The following SETD1B variants were observed in gnomAD, a reference collection of about 807,000 sequenced individuals.
SETD1B encodes the protein histone-lysine N-methyltransferase SETD1B.
Under a neutral mutation model 148.0 loss-of-function variants are expected in SETD1B, and 7 were observed. The observed-to-expected ratio is 0.05, with a 90% CI of 0.03 to 0.09. The LOEUF (loss-of-function observed/expected upper bound fraction) is 0.09, where lower values mean the gene tolerates loss of function less well. Among genes scored for constraint, SETD1B ranks in the 10% least tolerant of loss-of-function variants. The probability of loss-of-function intolerance (pLI) is 1.00; values close to 1 mark genes in which losing one functional copy is unlikely to be tolerated. For missense variants in SETD1B, 2,155 were observed against 2,729.9 expected, an observed-to-expected ratio of 0.79 and a Z score of 4.69; for synonymous variants, 1,361 against 1,186.5, an observed-to-expected ratio of 1.15 and a Z score of -3.02.
chr12:121,809,497 G>A (rs1455531145), intron 5 of SETD1B, 106 bp from the exon 6 acceptor site: 1 of 1,217,452 alleles, frequency 8.2e-7, no homozygotes, highest in Non-Finnish European at 1.1e-6. Flanking sequence ...TGCAGTTCTA[G>A]AGCAGTTTGG....
chr12:121,804,101 A>C lies in SETD1B; in HGVS notation c.-147A>C, dbSNP rs1248312243. The C allele has an allele frequency of 6.5e-6, 1 of 152,992 alleles. No individual in the cohort carries two copies. Among genetic ancestry groups the C allele is most frequent in the Non-Finnish European group, 1.4e-5 (1 of 69,420 alleles). The allele number at this position is 152,992 out of a possible 1,614,324, so 9.5% of individuals were successfully genotyped here. A position where few individuals can be genotyped will look rare whatever the true frequency, so the allele number is the denominator to read the frequency against. On this transcript the variant is annotated 5_prime_UTR_variant, in exon 1 of 17. Transcript: ENST00000604567. The surrounding 1 kb of genome is among the most constrained non-coding windows in gnomAD (Gnocchi z 4.6). Reference sequence around the variant, plus strand: ...CAGCAGCGGCGGCGGCAGCGGCAGCAGCTCCGGGCCCGGCAGCCGCGGCGG... The same window carrying C: ...CAGCAGCGGCGGCGGCAGCGGCAGCCGCTCCGGGCCCGGCAGCCGCGGCGG...
In SETD1B at chr12:121,817,864, G is replaced by A. The variant is rs1309045962; in HGVS notation, c.3378G>A (p.Leu1126=). The A allele has an allele frequency of 6.4e-7, 1 of 1,551,042 alleles. No homozygotes were observed. Among genetic ancestry groups the A allele is most frequent in the Admixed American group, 2.0e-5 (1 of 50,908 alleles). The change falls in exon 10 of 17, where the codon CTG becomes CTA. Residue 1126 remains leucine, a synonymous_variant. Transcript: ENST00000604567. The surrounding 1 kb of genome is among the most constrained non-coding windows in gnomAD (Gnocchi z 8.1). ...AGAACGATGACGAGGACACAGCCCT[G>A]TCAGAGGCGAGTGAGAAGGACGAAG... ...ESENDDEDTA[L]SEASEKDEGD...
chr12:121,827,273 A>G (rs146043602), intron 13 of SETD1B, among the ~76,000 whole-genome samples: 72 of 152,248 alleles, frequency 4.7e-4, no homozygotes, highest in Non-Finnish European at 8.7e-4. Flanking sequence ...CTTTCGGCTG[A>G]AATGGGGAAA....
At chr12:121,820,726 G>A (rs1464310958) in intron 11 of SETD1B, among the ~76,000 whole-genome samples, 2 of 152,082 alleles carry the variant, frequency 1.3e-5, no homozygotes, top group African/African-American at 4.8e-5. Context: ...GTAGAGATGG[G>A]GTTTCTCCGC....
the SETD1B span, chr12:121,793,039 G>C: frequency 1.1e-6 from 1 of 925,434 alleles, no homozygotes; most frequent in African/African-American, 1.6e-5. Context: ...GTGAAGAGCC[G>C]GCCAAGGCCC....
chr12:121,825,248 G>C lies in SETD1B; in HGVS notation c.5219G>C (p.Arg1740Pro). The C allele has an allele frequency of 1.3e-6, 2 of 1,551,692 alleles. No individual in the cohort carries two copies. The highest frequency in any genetic ancestry group is 1.7e-6 in the Non-Finnish European group (2 of 1,147,038). ...AKKKKRDDGI[R>P]EHVTGCARSE... ...AAGAAGAAACGGGACGATGGCATCC[G>C]CGAGCACGTGACGGGCTGTGCCCGC... is the stretch of plus-strand genomic sequence containing the variant. Residue 1740 changes from arginine (R) to proline (P), a missense_variant, in exon 13 of 17, where the codon CGC (arginine) becomes CCC (proline). By Grantham distance (103) the Arg-to-Pro change is moderately radical. This residue lies in a region of SETD1B where 96 missense variants were observed against 148.7 expected (regional missense o/e 0.65). Coordinates refer to ENST00000604567, the MANE Select transcript of SETD1B (RefSeq NM_001353345.2).
chr12:121,820,422 A>G (rs1236155449), intron 11 of SETD1B, among the ~76,000 whole-genome samples: 4 of 152,266 alleles, frequency 2.6e-5, no homozygotes, highest in African/African-American at 9.6e-5. Context: ...GTTGCTACCA[A>G]ACTCTTGAAA....
the SETD1B span, among the ~76,000 whole-genome samples, chr12:121,798,681 G>A: frequency 1.3e-5 from 2 of 152,216 alleles, no homozygotes; most frequent in Non-Finnish European, 1.5e-5. Context: ...GGCCCCCAGA[G>A]CTCGGTGTAG....
intron 11 of SETD1B, among the ~76,000 whole-genome samples, chr12:121,821,431 T>C (rs1303007247): frequency 1.4e-5 from 2 of 144,914 alleles, no homozygotes; most frequent in African/African-American, 5.2e-5. Flanking sequence ...AGAGTGAGAC[T>C]GTCTTAAAAA....
chr12:121,816,922 T>TA (rs1876317217), intron 7 of SETD1B, 111 bp from the exon 8 acceptor site: 5 of 945,836 alleles, frequency 5.3e-6, no homozygotes, highest in Non-Finnish European at 6.1e-6. Flanking sequence ...AGGATGCAGT[T>TA]ACCTGTGGTG....
rs1877132606 is a variant in SETD1B, at chr12:121,832,310, G to C, written c.*2071G>C. ...GGACTAGACCTCCCTCTCCCCAGGA[G>C]CCCCAGCCCCAGAGTGGTTTGCAAT... On this transcript the variant is annotated 3_prime_UTR_variant, in exon 17 of 17. Transcript: ENST00000604567. 6.5e-6 allele frequency: 1 copy of C among 153,128 alleles called. No individual in the cohort carries two copies. The allele number at this position is 153,128 out of a possible 1,614,324, so 9.5% of individuals were successfully genotyped here.
the SETD1B span, chr12:121,797,880 C>T: frequency 3.6e-5 from 12 of 334,116 alleles, no homozygotes; most frequent in South Asian, 2.3e-4. Context: ...CAGGTGCTTT[C>T]GCCCTCTTGC....
the SETD1B span, among the ~76,000 whole-genome samples, chr12:121,794,703 C>T: frequency 6.6e-6 from 1 of 152,160 alleles, no homozygotes; most frequent in Non-Finnish European, 1.5e-5. Context: ...TAACCCCCAC[C>T]CCTCCTCTTA....
At chr12:121,799,740 G>GGGGGGGGGGGGC (rs1566540807), upstream of SETD1B, 1 of 109,010 alleles carries the variant, frequency 9.2e-6, no homozygotes, top group Non-Finnish European at 2.1e-5. Flanking sequence ...GTGGGGTGGG[G>GGGGGGGGGGGGC]CGGGGCCGCA....
intron 11 of SETD1B, among the ~76,000 whole-genome samples, chr12:121,820,214 G>T (rs1876503070): frequency 6.6e-6 from 1 of 152,250 alleles, no homozygotes; most frequent in African/African-American, 2.4e-5. Flanking sequence ...GGTGTCCATG[G>T]TCACTTGAGT....
At chr12:121,797,549 C>A in the SETD1B span, 1 of 456,526 alleles carries the variant, frequency 2.2e-6, no homozygotes, top group Admixed American at 2.3e-5. Context: ...GACACCGTGC[C>A]GAGAACCACA....
Position 121,823,281 on chromosome 12 carries a change from C to A in SETD1B, c.4702C>A (p.Arg1568=). 6.5e-7 allele frequency: 1 copy of A among 1,549,734 alleles called. No homozygotes were observed. ...TPVFPSTHDP[R]TVTLDFRNAG... ...CGTCTTCCCCAGCACCCATGACCCCCGGACGGTGACCCTGGACTTCCGGAA... is the reference window on the plus strand; with the variant it reads ...CGTCTTCCCCAGCACCCATGACCCCAGGACGGTGACCCTGGACTTCCGGAA... Residue 1568 remains arginine (R), a synonymous_variant, in exon 12 of 17, where the codon CGG becomes AGG. Transcript: ENST00000604567.
Position 121,804,780 on chromosome 12 carries a change from C to G in SETD1B, c.43C>G (p.Pro15Ala). Residue 15 changes from proline to alanine, a missense_variant, in exon 2 of 17, where the codon CCG becomes GCG. This residue lies in a region of SETD1B where 36 missense variants were observed against 23.5 expected (regional missense o/e 1.53). Coordinates refer to ENST00000604567, the MANE Select transcript of SETD1B (RefSeq NM_001353345.2). This position sits in a 1 kb window ranked among gnomAD's most constrained non-coding sequence, Gnocchi z 4.6. ...CCCCCACCACCACCACCAGCAGCCC[C>G]CGCCGCAGCCCGGCCCTTCGGGCGA... ...HPPHHHHQQP[P>A]PQPGPSGERR... 4 of 1,550,950 alleles carry G rather than the reference C, an allele frequency of 2.6e-6. No homozygotes were observed. Among genetic ancestry groups the G allele is most frequent in the Non-Finnish European group, 3.5e-6 (4 of 1,146,782 alleles).
chr12:121,818,018 T>A, intron 10 of SETD1B, 114 bp downstream of exon 10: 1 of 1,084,618 alleles, frequency 9.2e-7, no homozygotes, highest in Non-Finnish European at 1.3e-6. Flanking sequence ...TTTTGAGACG[T>A]TACCTTGTTA....
Sources: gnomAD v4.1 joint callset for allele counts (sites outside exome capture counted in the v4.1 genomes callset) on GRCh38, gnomAD v4.1.1 for gene constraint, gnomAD v4.1.1 regional missense constraint, Gnocchi (gnomAD v3.1) non-coding constraint, MANE v1.5 for transcripts, NCBI Gene and HGNC (gene_info 2026-07-23, HGNC 2026-07-21) for gene names.